TCF12: variants seen among roughly 807,000 people sequenced by gnomAD.
The protein encoded by TCF12 is DNA-binding protein HTF4.
TCF12 carries 45 observed loss-of-function variants against 86.0 expected under a neutral mutation model. The ratio of observed to expected loss-of-function variants is 0.52; its 90% confidence interval spans 0.41 to 0.67. The LOEUF (loss-of-function observed/expected upper bound fraction) is 0.67. Among genes scored for constraint, TCF12 ranks in the 30% least tolerant of loss-of-function variants. The pLI, the probability that TCF12 is intolerant of heterozygous loss-of-function variation, is 0.00. For missense variants in TCF12, 881 were observed against 859.9 expected, an observed-to-expected ratio of 1.02 and a Z score of -0.31; for synonymous variants, 330 against 299.6, an observed-to-expected ratio of 1.10 and a Z score of -1.05.
chr15:57,142,304 T>TATAGACAG (rs1555516802), intron 5 of TCF12, among the ~76,000 whole-genome samples: 2 of 149,612 alleles, frequency 1.3e-5, no homozygotes, highest in African/African-American at 5.0e-5. Context: ...CTCACACTTT[T>TATAGACAG]ATAGATAGAT....
intron 19 of TCF12, chr15:57,281,558 G>A (rs2061692265): frequency 6.6e-6 from 1 of 152,256 alleles, no homozygotes; most frequent in Admixed American, 6.5e-5. Context: ...AGCTTCATCT[G>A]TATTTACCGA....
At chr15:57,065,023 G>A (rs2068757999) in intron 4 of TCF12, among the ~76,000 whole-genome samples, 2 of 152,090 alleles carry the variant, frequency 1.3e-5, no homozygotes, top group East Asian at 3.8e-4. Flanking sequence ...ATTGAAAAAT[G>A]CTGAGTTAAA....
intron 3 of TCF12, among the ~76,000 whole-genome samples, chr15:56,927,734 A>G (rs184246033): frequency 6.6e-6 from 1 of 152,306 alleles, no homozygotes; most frequent in East Asian, 1.9e-4. Context: ...CCTACAAGTT[A>G]ATAATTAAAA....
chr15:57,076,076 A>G (rs1394628476), intron 4 of TCF12, among the ~76,000 whole-genome samples: 7 of 151,408 alleles, frequency 4.6e-5, no homozygotes, highest in Non-Finnish European at 2.9e-5. Flanking sequence ...GGCTGTTACC[A>G]AATTCCTGAG....
At chr15:57,193,076 T>A in intron 7 of TCF12, among the ~76,000 whole-genome samples, 1 of 152,206 alleles carries the variant, frequency 6.6e-6, no homozygotes, top group Middle Eastern at 3.2e-3. Flanking sequence ...TTTATATACA[T>A]TCTCATCTCA....
At chr15:57,082,531 A>C (rs1469110235) in intron 4 of TCF12, among the ~76,000 whole-genome samples, 3 of 152,222 alleles carry the variant, frequency 2.0e-5, no homozygotes, top group African/African-American at 7.2e-5. Context: ...ACTATTTCAG[A>C]TAAGAATATA....
At chr15:56,986,985 A>G (rs1227353912) in intron 3 of TCF12, among the ~76,000 whole-genome samples, 1 of 152,220 alleles carries the variant, frequency 6.6e-6, no homozygotes, top group Non-Finnish European at 1.5e-5. Context: ...TTGATAATAA[A>G]AGAATCTTGG....
intron 4 of TCF12, among the ~76,000 whole-genome samples, chr15:57,076,535 C>A (rs1314006460): frequency 6.6e-6 from 1 of 151,830 alleles, no homozygotes; most frequent in African/African-American, 2.4e-5. Flanking sequence ...CGCCTGTAGT[C>A]CCAGCTACTG....
chr15:57,232,883 C>T lies in TCF12; in HGVS notation c.970+27C>T, dbSNP rs760994540. On this transcript the variant is annotated intron_variant, in intron 11 of 20. Transcript: ENST00000333725. ...TGAGCTTTTTGAGTTGGCAAAACTTCCTAAAAGTTTGTGGACTTTCAGTGA... is the reference window on the plus strand; with the variant it reads ...TGAGCTTTTTGAGTTGGCAAAACTTTCTAAAAGTTTGTGGACTTTCAGTGA... The T allele has an allele frequency of 1.8e-5, 27 of 1,505,722 alleles. No homozygotes were observed. In the South Asian group the frequency reaches 3.6e-4, roughly 20 times the overall value. The allele number at this position is 1,505,722 out of a possible 1,614,324, so 93.3% of individuals were successfully genotyped here. A position where few individuals can be genotyped will look rare whatever the true frequency, so the allele number is the denominator to read the frequency against.
At chr15:56,955,317 C>T (rs1000070929) in intron 3 of TCF12, among the ~76,000 whole-genome samples, 27 of 151,928 alleles carry the variant, frequency 1.8e-4, no homozygotes, top group African/African-American at 5.8e-4. Context: ...AACCAAACAC[C>T]GCATGTTCTC....
At chr15:57,023,497 T>G (rs1034032400) in intron 3 of TCF12, among the ~76,000 whole-genome samples, 15 of 152,188 alleles carry the variant, frequency 9.9e-5, no homozygotes, top group African/African-American at 3.6e-4. Context: ...ACTTTCATAC[T>G]TCTGCACCAA....
intron 19 of TCF12, among the ~76,000 whole-genome samples, chr15:57,280,971 T>TC (rs1227281919): frequency 6.6e-6 from 1 of 152,182 alleles, no homozygotes; most frequent in Admixed American, 6.6e-5. Context: ...AAGCTATGGA[T>TC]ATCTTGGGCT....
upstream of TCF12, chr15:56,918,437 G>T (rs2059599192): frequency 2.8e-6 from 1 of 352,610 alleles, no homozygotes; most frequent in Non-Finnish European, 5.6e-6. Context: ...AGGTGCCTGC[G>T]AGCGCCTCAT....
At chr15:57,146,248 C>T (rs2053354712) in intron 5 of TCF12, among the ~76,000 whole-genome samples, 1 of 151,962 alleles carries the variant, frequency 6.6e-6, no homozygotes, top group African/African-American at 2.4e-5. Context: ...CACAGGAGAA[C>T]CAATACCAAA....
At chr15:57,124,212 G>A (rs911462302) in intron 5 of TCF12, among the ~76,000 whole-genome samples, 2 of 152,050 alleles carry the variant, frequency 1.3e-5, no homozygotes, top group African/African-American at 4.8e-5. Context: ...TTCTGTTCTA[G>A]TGGAGTTTTT....
upstream of TCF12, chr15:56,918,256 C>T (rs745883296): frequency 2.6e-5 from 12 of 456,150 alleles, no homozygotes; most frequent in African/African-American, 2.4e-4. Context: ...CCGGGAAGCT[C>T]GGGGACCTGG....
intron 3 of TCF12, among the ~76,000 whole-genome samples, chr15:57,013,719 G>T (rs2064981136): frequency 6.6e-6 from 1 of 152,192 alleles, no homozygotes; most frequent in Non-Finnish European, 1.5e-5. Flanking sequence ...GATAACTATA[G>T]TGTAGAGAAG....
intron 14 of TCF12, among the ~76,000 whole-genome samples, chr15:57,251,691 T>C (rs2060125514): frequency 6.6e-6 from 1 of 152,236 alleles, no homozygotes. Flanking sequence ...TAGGGCTTAA[T>C]CTTTCTATGC....
intron 4 of TCF12, among the ~76,000 whole-genome samples, chr15:57,079,866 A>G (rs903755027): frequency 1.3e-5 from 2 of 152,152 alleles, no homozygotes; most frequent in African/African-American, 4.8e-5. Flanking sequence ...ACCTGAAGAG[A>G]TATTTTCTTT....
Sources: gnomAD v4.1 joint callset for allele counts (sites outside exome capture counted in the v4.1 genomes callset) on GRCh38, gnomAD v4.1.1 for gene constraint, MANE v1.5 for transcripts, NCBI Gene and HGNC (gene_info 2026-07-23, HGNC 2026-07-21) for gene names.